The following KANK1 variants were observed in gnomAD, a reference collection of about 807,000 sequenced individuals.
KANK1 encodes KN motif and ankyrin repeat domain-containing protein 1.
Under a neutral mutation model 106.2 loss-of-function variants are expected in KANK1, and 109 were observed. The observed-to-expected ratio is 1.03, with a 90% confidence interval of 0.88 to 1.20. The LOEUF (loss-of-function observed/expected upper bound fraction) is 1.20. Among genes scored for constraint, KANK1 ranks in the 50% most tolerant of loss-of-function variants. The pLI is 0.00. For missense variants in KANK1, 2,399 were observed against 1,710.7 expected, an observed-to-expected ratio of 1.40 and a Z score of -7.10; for synonymous variants, 873 against 652.2, an observed-to-expected ratio of 1.34 and a Z score of -5.16.
chr9:492,281 T>C (rs1185050864), intron 3 of KANK1: 1 of 152,214 alleles, frequency 6.6e-6, no homozygotes, highest in African/African-American at 2.4e-5. Flanking sequence ...AATAGAATGA[T>C]AGTACTTAAC....
intron 1 of KANK1, among the ~76,000 whole-genome samples, chr9:530,847 AC>A (rs1563724132): frequency 1.3e-5 from 2 of 152,136 alleles, no homozygotes; most frequent in African/African-American, 4.8e-5. Flanking sequence ...AATTAGCCAG[AC>A]GTGGTGGGGC....
At chr9:600,514 A>G (rs1462243686) in intron 1 of KANK1, among the ~76,000 whole-genome samples, 1 of 151,940 alleles carries the variant, frequency 6.6e-6, no homozygotes, top group Non-Finnish European at 1.5e-5. Context: ...TAAATAGAAT[A>G]TAAATAAATA....
chr9:614,774 C>G (rs920816847), intron 1 of KANK1, among the ~76,000 whole-genome samples: 1 of 152,068 alleles, frequency 6.6e-6, no homozygotes, highest in Admixed American at 6.6e-5. Context: ...ATTTAGTGAA[C>G]ATGATCTTTT....
chr9:553,673 G>C (rs2061409661), intron 1 of KANK1, among the ~76,000 whole-genome samples: 1 of 152,142 alleles, frequency 6.6e-6, no homozygotes, highest in African/African-American at 2.4e-5. Flanking sequence ...CAGAGATGAA[G>C]TATGAGAAAA....
At chr9:478,355 A>G (rs924082032) in intron 3 of KANK1, 1 of 152,544 alleles carries the variant, frequency 6.6e-6, no homozygotes, top group Admixed American at 6.5e-5. Context: ...CTAGCTATGA[A>G]CTACGAAGGA....
intron 1 of KANK1, among the ~76,000 whole-genome samples, chr9:586,821 T>C (rs141045637): frequency 1.4e-4 from 22 of 152,184 alleles, no homozygotes; most frequent in Non-Finnish European, 2.6e-4. Context: ...AAGGGACTCT[T>C]TGCATGATAT....
At chr9:479,719 A>T (rs2058169482) in intron 3 of KANK1, among the ~76,000 whole-genome samples, 1 of 152,190 alleles carries the variant, frequency 6.6e-6, no homozygotes, top group African/African-American at 2.4e-5. Context: ...AAACATGCAA[A>T]TGGGGTTCCA....
intron 1 of KANK1, among the ~76,000 whole-genome samples, chr9:665,076 G>T (rs913647106): frequency 2.6e-5 from 4 of 152,124 alleles, no homozygotes; most frequent in African/African-American, 9.7e-5. Flanking sequence ...TATCTTGTCA[G>T]ATGGGTAGTT....
intron 1 of KANK1, among the ~76,000 whole-genome samples, chr9:583,686 A>T (rs1822738310): frequency 6.7e-6 from 1 of 150,104 alleles, no homozygotes; most frequent in Admixed American, 6.7e-5. Context: ...ATATTAATAT[A>T]TAAATATATA....
intron 2 of KANK1, among the ~76,000 whole-genome samples, chr9:697,800 A>G (rs914715013): frequency 6.6e-6 from 1 of 152,144 alleles, no homozygotes; most frequent in Non-Finnish European, 1.5e-5. Context: ...GGTTCAAAAG[A>G]GTTTGAATCA....
intron 2 of KANK1, among the ~76,000 whole-genome samples, chr9:698,539 C>G (rs1364042312): frequency 1.3e-5 from 2 of 152,190 alleles, no homozygotes; most frequent in South Asian, 2.1e-4. Flanking sequence ...GCCCAGAGAC[C>G]GGATCCTGGT....
chr9:585,682 TG>T (rs2135416203), intron 1 of KANK1, among the ~76,000 whole-genome samples: 1 of 152,212 alleles, frequency 6.6e-6, no homozygotes, highest in African/African-American at 2.4e-5. Flanking sequence ...TAAGGCATTG[TG>T]TGAGGGTTAA....
At chr9:554,422 G>C (rs1195878201) in intron 1 of KANK1, among the ~76,000 whole-genome samples, 1 of 152,170 alleles carries the variant, frequency 6.6e-6, no homozygotes, top group Non-Finnish European at 1.5e-5. Context: ...CATCCACACT[G>C]ATGAGCATCC....
In KANK1 at chr9:580,885, A is replaced by G. The variant is rs530793538; in HGVS notation, c.-84+76131A>G. Among the ~76,000 whole-genome samples the G allele has an allele frequency of 2.0e-5, 3 of 152,292 alleles. No homozygotes were observed. The South Asian group carries it at 6.2e-4, about 32-fold the overall frequency. ...CACGGCATCTGGGGGAGGCTCCGGC[A>G]TGGTGGGCTGCAGGTCCCGAGCCTT... is the stretch of plus-strand genomic sequence containing the variant. On this transcript the variant is annotated intron_variant, in intron 1 of 11. Transcript: ENST00000382297.
intron 1 of KANK1, among the ~76,000 whole-genome samples, chr9:600,027 A>T (rs1827319730): frequency 6.6e-6 from 1 of 151,888 alleles, no homozygotes; most frequent in East Asian, 1.9e-4. Context: ...AAATTACCTT[A>T]AATTTTTTTA....
At chr9:665,951 G>A (rs1157415220) in intron 1 of KANK1, among the ~76,000 whole-genome samples, 4 of 152,094 alleles carry the variant, frequency 2.6e-5, no homozygotes, top group African/African-American at 4.8e-5. Context: ...AGGCCAAAGC[G>A]GGAGAATTGC....
chr9:643,674 C>T (rs1227862778), intron 1 of KANK1, among the ~76,000 whole-genome samples: 1 of 148,382 alleles, frequency 6.7e-6, no homozygotes, highest in Admixed American at 6.7e-5. Context: ...GCCAATGTGC[C>T]TAGCATTGAT....
At chr9:513,708 A>C (rs2059131774) in intron 1 of KANK1, among the ~76,000 whole-genome samples, 1 of 152,190 alleles carries the variant, frequency 6.6e-6, no homozygotes, top group South Asian at 2.1e-4. Context: ...GTTAATTCTG[A>C]CTGGTTCACC....
intron 9 of KANK1, 92 bp downstream of exon 9, chr9:741,026 A>C (rs961034129): frequency 2.1e-6 from 3 of 1,425,406 alleles, no homozygotes; most frequent in African/African-American, 1.4e-5. Flanking sequence ...CATAGATGCC[A>C]CGCTTCCACC....
Sources: gnomAD v4.1 joint callset for allele counts (sites outside exome capture counted in the v4.1 genomes callset) on GRCh38, gnomAD v4.1.1 for gene constraint, MANE v1.5 for transcripts, NCBI Gene and HGNC (gene_info 2026-07-23, HGNC 2026-07-21) for gene names.